Variants in UNC13C observed in about 807,000 individuals in gnomAD.
UNC13C encodes protein unc-13 homolog C.
In UNC13C, 174 loss-of-function variants were observed where a neutral mutation model predicts 245.4. That is an observed-to-expected ratio of 0.71 (90% CI 0.63 to 0.80). The LOEUF (loss-of-function observed/expected upper bound fraction) is 0.80, where lower values mean the gene tolerates loss of function less well. UNC13C is among the 30% of genes least tolerant of loss of function. The pLI is 0.00. For missense variants in UNC13C, 2,829 were observed against 2,602.9 expected (o/e 1.09, Z -1.89); for synonymous variants, 992 against 895.1 (o/e 1.11, Z -1.93).
At chr15:54,479,557 C>T (rs543973466) in intron 19 of UNC13C, among the ~76,000 whole-genome samples, 1 of 151,950 alleles carries the variant, frequency 6.6e-6, no homozygotes, top group Non-Finnish European at 1.5e-5. Context: ...AAATTTAAAA[C>T]AGTTTGCATT....
At chr15:54,108,344 G>T (rs1046104513) in intron 2 of UNC13C, among the ~76,000 whole-genome samples, 1 of 151,962 alleles carries the variant, frequency 6.6e-6, no homozygotes, top group African/African-American at 2.4e-5. Context: ...CCGCCACCAC[G>T]CCTGGCTAAT....
intron 30 of UNC13C, among the ~76,000 whole-genome samples, chr15:54,610,034 G>C (rs58453564): frequency 0.021 from 3,229 of 152,204 alleles, 44 homozygotes; most frequent in Middle Eastern, 0.058. Context: ...CAATGACATG[G>C]GGAGATTATG....
rs866594029 is a variant in UNC13C at position 54,473,849 on chromosome 15, C to A, written c.4934-20759C>A. Among the ~76,000 whole-genome samples the A allele has an allele frequency of 4.6e-5, 7 of 151,710 alleles. 1 individual carries two copies. The South Asian group carries it at 1.2e-3, about 27-fold the overall frequency. ...ATCACACGAATAATATACATTGCAT[C>A]CATTAACCAGTTTCTCATCATCTTT... is the stretch of plus-strand genomic sequence containing the variant. On this transcript the variant is annotated intron_variant, in intron 19 of 32. Coordinates refer to ENST00000260323, the MANE Select transcript of UNC13C (RefSeq NM_001080534.3).
chr15:53,866,210 G>C, the UNC13C span, among the ~76,000 whole-genome samples: 1 of 152,122 alleles, frequency 6.6e-6, no homozygotes, highest in Non-Finnish European at 1.5e-5. Context: ...ATATGTGGCA[G>C]TGAAGACAAA....
At chr15:54,083,658 T>C (rs1432172908) in intron 2 of UNC13C, among the ~76,000 whole-genome samples, 1 of 152,128 alleles carries the variant, frequency 6.6e-6, no homozygotes, top group African/African-American at 2.4e-5. Flanking sequence ...TTCATTTCCT[T>C]TGTCCCAAAA....
At chr15:54,008,895 C>A (rs1218788479) in intron 1 of UNC13C, among the ~76,000 whole-genome samples, 3 of 152,162 alleles carry the variant, frequency 2.0e-5, no homozygotes, top group Non-Finnish European at 4.4e-5. Context: ...CTCTTTGAAT[C>A]TCTTATCTCC....
the UNC13C span, among the ~76,000 whole-genome samples, chr15:53,889,274 G>C: frequency 1.3e-5 from 2 of 152,128 alleles, no homozygotes; most frequent in African/African-American, 4.8e-5. Context: ...TGCATCCCTT[G>C]TAAGCTGTAT....
chr15:54,457,934 G>T, intron 19 of UNC13C, among the ~76,000 whole-genome samples: 1 of 141,056 alleles, frequency 7.1e-6, no homozygotes. Flanking sequence ...CTGGATTTGG[G>T]TTTAGTTCGT....
chr15:54,567,651 C>G (rs1566913860), intron 29 of UNC13C, 149 bp from the exon 30 acceptor site: 1 of 644,584 alleles, frequency 1.6e-6, no homozygotes, highest in East Asian at 2.9e-5. Flanking sequence ...ACGTTAATAA[C>G]TTAGCAATGG....
At chr15:54,307,435 A>G (rs1382387930) in intron 13 of UNC13C, among the ~76,000 whole-genome samples, 2 of 151,862 alleles carry the variant, frequency 1.3e-5, no homozygotes, top group Non-Finnish European at 2.9e-5. Flanking sequence ...TAATACTACA[A>G]CCTTGAGTCA....
chr15:54,418,100 T>C (rs984999742), intron 19 of UNC13C, among the ~76,000 whole-genome samples: 1 of 152,116 alleles, frequency 6.6e-6, no homozygotes, highest in African/African-American at 2.4e-5. Flanking sequence ...TTCATCAGTT[T>C]AATTGTCCAT....
chr15:54,037,043 G>T (rs1376448106), intron 2 of UNC13C, among the ~76,000 whole-genome samples: 3 of 152,208 alleles, frequency 2.0e-5, no homozygotes, highest in Non-Finnish European at 4.4e-5. Context: ...TATGATTTGG[G>T]CTACTGAAAG....
intron 1 of UNC13C, among the ~76,000 whole-genome samples, chr15:53,987,723 C>T (rs1894208229): frequency 6.6e-6 from 1 of 152,006 alleles, no homozygotes; most frequent in Admixed American, 6.6e-5. Flanking sequence ...GAAACATGCA[C>T]ACAAAATTCA....
intron 19 of UNC13C, among the ~76,000 whole-genome samples, chr15:54,448,146 T>C (rs956682304): frequency 6.6e-6 from 1 of 152,188 alleles, no homozygotes; most frequent in Non-Finnish European, 1.5e-5. Flanking sequence ...AGACAGTTTG[T>C]TATAATTTCT....
intron 8 of UNC13C, among the ~76,000 whole-genome samples, chr15:54,257,116 G>A (rs1053617995): frequency 2.0e-5 from 3 of 152,076 alleles, no homozygotes; most frequent in African/African-American, 7.2e-5. Context: ...TGAAATTTTT[G>A]GTGTTTAATT....
intron 2 of UNC13C, among the ~76,000 whole-genome samples, chr15:54,061,949 C>A (rs1897857857): frequency 6.6e-6 from 1 of 152,144 alleles, no homozygotes; most frequent in Admixed American, 6.6e-5. Context: ...CCGTATCAAT[C>A]ATATACCAAG....
the UNC13C span, among the ~76,000 whole-genome samples, chr15:53,951,123 T>A: frequency 6.6e-6 from 1 of 152,186 alleles, no homozygotes; most frequent in Non-Finnish European, 1.5e-5. Context: ...GCCAAACTTT[T>A]AAAAATGATG....
chr15:54,335,885 AGT>A (rs1381144187), intron 16 of UNC13C, among the ~76,000 whole-genome samples: 3 of 152,136 alleles, frequency 2.0e-5, no homozygotes, highest in African/African-American at 7.2e-5. Flanking sequence ...CCTCAGCAGC[AGT>A]GTGTGAGAGT....
intron 2 of UNC13C, among the ~76,000 whole-genome samples, chr15:54,033,198 C>T (rs4572323): frequency 0.022 from 3,283 of 151,938 alleles, 117 homozygotes; most frequent in South Asian, 0.12. Flanking sequence ...TGAGACTTAT[C>T]GCCTCAGAAC....
Sources: gnomAD v4.1 joint callset for allele counts (sites outside exome capture counted in the v4.1 genomes callset) on GRCh38, gnomAD v4.1.1 for gene constraint, MANE v1.5 for transcripts, NCBI Gene and HGNC (gene_info 2026-07-23, HGNC 2026-07-21) for gene names.